SCFD2: variants seen among roughly 807,000 people sequenced by gnomAD.
SCFD2 encodes the protein sec1 family domain containing 2.
Under a neutral mutation model 58.9 loss-of-function variants are expected in SCFD2, and 54 were observed. That is an observed-to-expected ratio of 0.92 (90% CI 0.74 to 1.15). SCFD2 has a LOEUF of 1.15. Ranked by LOEUF, SCFD2 falls within the 50% of genes most tolerant of loss-of-function variation. The pLI is 0.00. For missense variants in SCFD2, 805 were observed against 836.6 expected, an observed-to-expected ratio of 0.96 and a Z score of 0.47; for synonymous variants, 321 against 335.9, an observed-to-expected ratio of 0.96 and a Z score of 0.49.
chr4:53,304,627 C>CT (rs1209184746), intron 3 of SCFD2, among the ~76,000 whole-genome samples: 3 of 151,798 alleles, frequency 2.0e-5, no homozygotes, highest in Non-Finnish European at 4.4e-5. Context: ...GCTATTGATA[C>CT]TTGTGTATGC....
Position 53,296,738 on chromosome 4 carries a change from G to A in SCFD2, c.1135+16898C>T, listed in dbSNP as rs551307642. On this transcript the variant is annotated intron_variant, in intron 3 of 8. Transcript: ENST00000401642. ...CTTTTCAATGTGATGTTAGGGTATC[G>A]ATTTTAGATCTTTCCTGCTTTCTCT... Among the ~76,000 whole-genome samples, 29 of 152,018 alleles carry A rather than the reference G, an allele frequency of 1.9e-4. 1 individual carries two copies. The highest frequency in any genetic ancestry group is 4.6e-4 in the African/African-American group (19 of 41,478).
chr4:53,228,322 G>A (rs1222606026), intron 4 of SCFD2, among the ~76,000 whole-genome samples: 2 of 152,054 alleles, frequency 1.3e-5, no homozygotes, highest in African/African-American at 4.8e-5. Context: ...AGGGTTTCTG[G>A]CAAGATTGAT....
chr4:52,940,834 C>G (rs1022928824), intron 5 of SCFD2, among the ~76,000 whole-genome samples: 4 of 152,124 alleles, frequency 2.6e-5, no homozygotes, highest in African/African-American at 9.7e-5. Flanking sequence ...GAGTAGACAC[C>G]ACCCTGTGGG....
chr4:53,194,376 T>C (rs1368284511), intron 4 of SCFD2, among the ~76,000 whole-genome samples: 1 of 152,210 alleles, frequency 6.6e-6, no homozygotes, highest in Non-Finnish European at 1.5e-5. Flanking sequence ...AAAAACTCAC[T>C]ATTATCTATT....
At chr4:52,906,187 A>G (rs924473123) in intron 7 of SCFD2, among the ~76,000 whole-genome samples, 1 of 152,174 alleles carries the variant, frequency 6.6e-6, no homozygotes, top group Non-Finnish European at 1.5e-5. Context: ...ACCCCCCTGT[A>G]CAGGGTCTGA....
At chr4:53,231,289 T>G (rs527259357) in intron 4 of SCFD2, among the ~76,000 whole-genome samples, 1 of 152,294 alleles carries the variant, frequency 6.6e-6, no homozygotes, top group South Asian at 2.1e-4. Flanking sequence ...ACTCACTAGA[T>G]AATGCAAGCC....
intron 5 of SCFD2, among the ~76,000 whole-genome samples, chr4:52,959,311 A>G (rs543665288): frequency 6.6e-6 from 1 of 152,230 alleles, no homozygotes; most frequent in Admixed American, 6.5e-5. Flanking sequence ...TGCTCCTCAA[A>G]GAGGGATGTA....
chr4:53,257,057 G>T (rs1198073877), intron 4 of SCFD2, among the ~76,000 whole-genome samples: 11 of 151,968 alleles, frequency 7.2e-5, no homozygotes, highest in Non-Finnish European at 1.6e-4. Flanking sequence ...CCCATGACAC[G>T]AGTTTCTCTA....
At chr4:53,123,533 G>C (rs1046374261) in intron 5 of SCFD2, among the ~76,000 whole-genome samples, 3 of 42,388 alleles carry the variant, frequency 7.1e-5, no homozygotes, top group African/African-American at 2.6e-4. Context: ...AGATGGGGGT[G>C]GGGGGGGGGC....
chr4:53,173,971 A>G (rs1311014523), intron 4 of SCFD2, among the ~76,000 whole-genome samples: 1 of 152,208 alleles, frequency 6.6e-6, no homozygotes, highest in Non-Finnish European at 1.5e-5. Context: ...TTAAAGAAAT[A>G]AAAGATGAAA....
At chr4:53,007,305 G>GGAGGGAGAGAGAGAGA (rs1721991087) in intron 5 of SCFD2, among the ~76,000 whole-genome samples, 8 of 66,072 alleles carry the variant, frequency 1.2e-4, no homozygotes, top group Admixed American at 2.5e-4. Context: ...AGAGGGAGAG[G>GGAGGGAGAGAGAGAGA]GAGAGAGAGA....
At chr4:52,945,425 C>T (rs1720397818) in intron 5 of SCFD2, among the ~76,000 whole-genome samples, 1 of 152,092 alleles carries the variant, frequency 6.6e-6, no homozygotes, top group Non-Finnish European at 1.5e-5. Flanking sequence ...TCCCCAAATC[C>T]TCTCCCCCTC....
At chr4:53,342,298 A>T (rs547496724) in intron 2 of SCFD2, among the ~76,000 whole-genome samples, 1 of 151,294 alleles carries the variant, frequency 6.6e-6, no homozygotes, top group Admixed American at 6.6e-5. Context: ...AAAAAGGAGC[A>T]GTTGCAATCC....
intron 8 of SCFD2, among the ~76,000 whole-genome samples, chr4:52,877,113 G>C (rs889247435): frequency 6.6e-6 from 1 of 152,194 alleles, no homozygotes; most frequent in African/African-American, 2.4e-5. Flanking sequence ...AGCAATAACT[G>C]AGCCCAAAGA....
chr4:52,952,617 T>C (rs1720625649), intron 5 of SCFD2, among the ~76,000 whole-genome samples: 2 of 152,198 alleles, frequency 1.3e-5, no homozygotes, highest in African/African-American at 4.8e-5. Context: ...TCTTTTGAAA[T>C]AGGCAGTAAT....
intron 5 of SCFD2, among the ~76,000 whole-genome samples, chr4:53,057,663 AT>A (rs756104141): frequency 1.3e-5 from 2 of 151,890 alleles, no homozygotes; most frequent in South Asian, 2.1e-4. Flanking sequence ...CATGTATCCC[AT>A]TTTTTTTAGA....
At chr4:53,299,572 A>T (rs929944875) in intron 3 of SCFD2, among the ~76,000 whole-genome samples, 2 of 151,908 alleles carry the variant, frequency 1.3e-5, no homozygotes, top group African/African-American at 4.9e-5. Flanking sequence ...GCAGGCCAAC[A>T]TTCAAATTCA....
In SCFD2 at chr4:52,878,153, C is replaced by T. The variant is rs146638309; in HGVS notation, c.1963-4092G>A. ...CTGGCTGTTGGTATCTCACGGTATT[C>T]CCTGTCAACTTAACTGAGTCTTTTC... On this transcript the variant is annotated intron_variant, in intron 8 of 8. Coordinates refer to ENST00000401642, the MANE Select transcript of SCFD2 (RefSeq NM_152540.4). Among the ~76,000 whole-genome samples, 980 of 152,306 alleles carry T rather than the reference C, an allele frequency of 6.4e-3. 4 individuals carry two copies. Among genetic ancestry groups the T allele is most frequent in the Non-Finnish European group, 9.5e-3 (646 of 68,026 alleles).
chr4:53,258,150 A>G (rs1157897809), intron 4 of SCFD2, among the ~76,000 whole-genome samples: 1 of 152,184 alleles, frequency 6.6e-6, no homozygotes, highest in Non-Finnish European at 1.5e-5. Flanking sequence ...GATAGCATCA[A>G]GTTTTGTCAA....
Sources: allele counts gnomAD v4.1 joint callset (sites outside exome capture counted in the v4.1 genomes callset), GRCh38; gene constraint gnomAD v4.1.1; transcripts MANE v1.5; gene names NCBI Gene and HGNC (gene_info 2026-07-23, HGNC 2026-07-21).